The following GCC2 variants were observed in gnomAD, a reference collection of about 807,000 sequenced individuals.
The protein encoded by GCC2 is GRIP and coiled-coil domain-containing protein 2.
Under a neutral mutation model 210.6 loss-of-function variants are expected in GCC2, and 120 were observed. That is an observed-to-expected ratio of 0.57 (90% CI 0.49 to 0.66). GCC2 has a LOEUF of 0.66. Ranked by LOEUF, GCC2 falls within the 30% of genes least tolerant of loss-of-function variation. The pLI is 0.00. For synonymous variants in GCC2, 703 were observed against 652.7 expected (o/e 1.08, Z -1.17); for missense variants, 1,868 against 1,871.9 (o/e 1.00, Z 0.04).
At chr2:108,452,501 T>A (rs1679997732) in intron 4 of GCC2, 35 bp downstream of exon 4, 1 of 1,241,028 alleles carries the variant, frequency 8.1e-7, no homozygotes, top group Non-Finnish European at 1.2e-6. Context: ...TAAAGAGAAA[T>A]AAAATTTCCC....
chr2:108,470,316 A>G lies in GCC2; in HGVS notation c.987A>G (p.Val329=). Residue 329 remains valine (V), a synonymous_variant, in exon 6 of 23, where the codon GTA becomes GTG. Coordinates refer to ENST00000309863, the MANE Select transcript of GCC2 (RefSeq NM_181453.4). ...LLQENTFVEQ[V]VNEKVKHLED... is the part of the protein sequence containing the mutation. The stretch of plus-strand genomic sequence containing the variant: ...AAGAAAATACATTTGTAGAACAAGT[A>G]GTAAATGAAAAAGTCAAACACTTAG... The G allele has an allele frequency of 6.2e-7, 1 of 1,612,134 alleles. No individual in the cohort carries two copies. Among genetic ancestry groups the G allele is most frequent in the East Asian group, 2.2e-5 (1 of 44,806 alleles).
intron 11 of GCC2, 78 bp downstream of exon 11, chr2:108,482,529 T>TA (rs1363678491): frequency 4.3e-6 from 3 of 696,100 alleles, no homozygotes; most frequent in East Asian, 5.2e-5. Flanking sequence ...AGGGAAGACT[T>TA]ACTAAGAGTA....
At chr2:108,487,309 T>C (rs767842128) in intron 16 of GCC2, among the ~76,000 whole-genome samples, 1 of 152,170 alleles carries the variant, frequency 6.6e-6, no homozygotes. Context: ...GTAGAAGACA[T>C]GGTAGAAACA....
At position 108,508,642 on chromosome 2, in the gene GCC2, T is replaced by G. The variant is rs1455808437; in HGVS notation, c.*1012T>G. 1 of 152,240 alleles carries G rather than the reference T, an allele frequency of 6.6e-6. No individual in the cohort carries two copies. Among genetic ancestry groups the G allele is most frequent in the Non-Finnish European group, 1.5e-5 (1 of 67,966 alleles). 9.4% of individuals were successfully genotyped at this position (152,240 alleles called of 1,614,324 possible). On this transcript the variant is annotated 3_prime_UTR_variant, in exon 23 of 23. Transcript: ENST00000309863. ...ATAAAAGTGGTGCTTTCAGTGTTTT[T>G]GGCAGATAGTGTTCCATAAGCTTTC...
chr2:108,466,618 GC>G (rs1232201306), intron 4 of GCC2, among the ~76,000 whole-genome samples: 1 of 151,532 alleles, frequency 6.6e-6, no homozygotes, highest in Non-Finnish European at 1.5e-5. Context: ...GAGTACAGGC[GC>G]CCACCACCAC....
intron 4 of GCC2, among the ~76,000 whole-genome samples, chr2:108,466,481 T>C (rs1680894592): frequency 6.6e-6 from 1 of 151,912 alleles, no homozygotes; most frequent in Admixed American, 6.6e-5. Context: ...TATTTATTTA[T>C]TTATTTTTTG....
intron 22 of GCC2, among the ~76,000 whole-genome samples, chr2:108,502,871 T>C (rs893457261): frequency 9.4e-5 from 14 of 148,732 alleles, no homozygotes; most frequent in African/African-American, 2.7e-4. Flanking sequence ...TGCAGTGAGC[T>C]GAGATGGTGC....
At chr2:108,459,118 C>G (rs1435475558) in intron 4 of GCC2, among the ~76,000 whole-genome samples, 1 of 152,104 alleles carries the variant, frequency 6.6e-6, no homozygotes, top group Non-Finnish European at 1.5e-5. Flanking sequence ...CAAAAAATCA[C>G]ATAGGTTTTG....
chr2:108,497,768 C>G (rs1436997683), intron 21 of GCC2, among the ~76,000 whole-genome samples: 1 of 152,112 alleles, frequency 6.6e-6, no homozygotes, highest in East Asian at 1.9e-4. Flanking sequence ...TGATAAATCA[C>G]CCCTCAGAAT....
intron 4 of GCC2, among the ~76,000 whole-genome samples, chr2:108,466,649 T>G (rs1680907415): frequency 6.6e-6 from 1 of 151,684 alleles, no homozygotes; most frequent in Non-Finnish European, 1.5e-5. Flanking sequence ...ATTTTTTGTA[T>G]TTTTAGTAGA....
At chr2:108,501,417 A>C (rs374574902) in intron 22 of GCC2, among the ~76,000 whole-genome samples, 1 of 151,990 alleles carries the variant, frequency 6.6e-6, no homozygotes. Context: ...GTAACACTGA[A>C]CTTGTTCTAA....
At chr2:108,467,145 T>C (rs1252303339) in intron 4 of GCC2, among the ~76,000 whole-genome samples, 1 of 152,212 alleles carries the variant, frequency 6.6e-6, no homozygotes, top group African/African-American at 2.4e-5. Flanking sequence ...TTTGTCATAT[T>C]CCATGAAAAA....
intron 4 of GCC2, among the ~76,000 whole-genome samples, chr2:108,462,257 C>T (rs1172417333): frequency 2.0e-5 from 3 of 148,436 alleles, no homozygotes; most frequent in Admixed American, 6.7e-5. Flanking sequence ...CTTTGGGAGG[C>T]CGAGGCGGGC....
At chr2:108,459,714 T>TCCTTTGCC (rs1486526655) in intron 4 of GCC2, among the ~76,000 whole-genome samples, 2 of 146,768 alleles carry the variant, frequency 1.4e-5, no homozygotes, top group Non-Finnish European at 3.0e-5. Flanking sequence ...CTGGTTTGAT[T>TCCTTTGCC]CCTTTGCCAT....
At position 108,495,425 on chromosome 2, in the gene GCC2, T is replaced by C. The variant is rs1274176758; in HGVS notation, c.4582T>C (p.Ser1528Pro). 2 of 1,594,236 alleles carry C rather than the reference T, an allele frequency of 1.3e-6. No homozygotes were observed. The highest frequency in any genetic ancestry group is 1.7e-5 in the Admixed American group (1 of 59,960). The stretch of plus-strand genomic sequence containing the variant: ...GACAACTGATACGGAGTCTGTGTCT[T>C]CCGCCAGCACATACACACAGTCTTT... ...METTDTESVS[S>P]ASTYTQSLEQ... The change falls in exon 20 of 23, where the codon TCC (serine) becomes CCC (proline). Residue 1528 changes from serine (S) to proline (P), a missense_variant. Ser to Pro is a moderately conservative substitution (Grantham distance 74). Around this residue, in one of 3 missense-constraint regions of GCC2, gnomAD observed 1,847 missense variants for 1,765.2 expected, o/e 1.05. Transcript: ENST00000309863.
chr2:108,483,769 T>G (rs1287643777), intron 12 of GCC2, among the ~76,000 whole-genome samples: 1 of 152,212 alleles, frequency 6.6e-6, no homozygotes, highest in East Asian at 1.9e-4. Context: ...GCTTGAAATT[T>G]GTATTATACT....
intron 5 of GCC2, chr2:108,469,400 C>T: frequency 2.3e-6 from 1 of 437,068 alleles, no homozygotes; most frequent in South Asian, 4.8e-5. Flanking sequence ...AGAGGCATTT[C>T]TTGCCTATTT....
chr2:108,449,552 T>C, intron 1 of GCC2, 81 bp from the exon 2 acceptor site: 2 of 1,422,168 alleles, frequency 1.4e-6, no homozygotes, highest in Non-Finnish European at 2.0e-6. Context: ...TAGAAGGTTT[T>C]TCCCTGTAAG....
At chr2:108,456,286 G>A (rs1009411719) in intron 4 of GCC2, among the ~76,000 whole-genome samples, 2 of 152,116 alleles carry the variant, frequency 1.3e-5, no homozygotes, top group African/African-American at 4.8e-5. Context: ...CTCCTGGCCT[G>A]AGAAATCCCC....
Sources: gnomAD v4.1 joint callset for allele counts (sites outside exome capture counted in the v4.1 genomes callset) on GRCh38, gnomAD v4.1.1 for gene constraint, gnomAD v4.1.1 regional missense constraint, MANE v1.5 for transcripts, NCBI Gene and HGNC (gene_info 2026-07-23, HGNC 2026-07-21) for gene names.